OXR1: variants seen among roughly 807,000 people sequenced by gnomAD.
The protein encoded by OXR1 is oxidation resistance protein 1.
A neutral mutation model predicts 104.6 loss-of-function variants in OXR1; 41 were observed. The ratio of observed to expected loss-of-function variants is 0.39; its 90% confidence interval spans 0.31 to 0.51. OXR1 has a LOEUF of 0.51. Ranked by LOEUF, OXR1 falls within the 20% of genes least tolerant of loss-of-function variation. The pLI is 0.77. For synonymous variants in OXR1, 348 were observed against 348.4 expected (o/e 1.00, Z 0.01); for missense variants, 955 against 1,031.9 (o/e 0.93, Z 1.02).
chr8:106,426,321 C>A (rs1243235049), intron 2 of OXR1, among the ~76,000 whole-genome samples: 6 of 151,936 alleles, frequency 3.9e-5, no homozygotes, highest in Admixed American at 3.9e-4. Flanking sequence ...ATCCACTCTA[C>A]TTTGCCTCTT....
chr8:106,631,494 T>C (rs372119175), intron 3 of OXR1, among the ~76,000 whole-genome samples: 145 of 152,334 alleles, frequency 9.5e-4, no homozygotes, highest in African/African-American at 3.3e-3. Context: ...TGCATTTATC[T>C]ATTAGTCTTT....
chr8:106,572,321 G>C (rs1308161224), intron 3 of OXR1, among the ~76,000 whole-genome samples: 1 of 152,102 alleles, frequency 6.6e-6, no homozygotes, highest in Non-Finnish European at 1.5e-5. Flanking sequence ...GCTTCCGCTG[G>C]GATGGCTGAT....
At chr8:106,295,063 T>C (rs1812934706) in intron 1 of OXR1, among the ~76,000 whole-genome samples, 1 of 152,216 alleles carries the variant, frequency 6.6e-6, no homozygotes, top group Non-Finnish European at 1.5e-5. Flanking sequence ...GTATAGAATA[T>C]TGTAGATATT....
At chr8:106,706,295 A>T in intron 8 of OXR1, 87 bp from the exon 9 acceptor site, 1 of 861,058 alleles carries the variant, frequency 1.2e-6, no homozygotes, top group Non-Finnish European at 1.7e-6. Flanking sequence ...AAGTCTTTTT[A>T]GTGATACTAA....
At chr8:106,420,730 T>TTGTGTGTGTGTGTGTGTGTGTG (rs6150748) in intron 2 of OXR1, among the ~76,000 whole-genome samples, 5 of 147,174 alleles carry the variant, frequency 3.4e-5, no homozygotes, top group African/African-American at 1.3e-4. Context: ...CATTAAAATA[T>TTGTGTGTGTGTGTGTGTGTGTG]TGTGTGTGTG....
intron 3 of OXR1, among the ~76,000 whole-genome samples, chr8:106,565,749 C>A (rs968496341): frequency 6.6e-6 from 1 of 152,098 alleles, no homozygotes; most frequent in Non-Finnish European, 1.5e-5. Context: ...TTACAGTAAC[C>A]AAAACAGCAT....
intron 2 of OXR1, among the ~76,000 whole-genome samples, chr8:106,480,778 A>G (rs1822067051): frequency 1.3e-5 from 2 of 152,000 alleles, no homozygotes; most frequent in African/African-American, 4.8e-5. Context: ...CCTCATAGAA[A>G]TAAAAAATAC....
intron 2 of OXR1, among the ~76,000 whole-genome samples, chr8:106,501,026 A>T (rs16874781): frequency 0.048 from 7,339 of 152,280 alleles, 233 homozygotes; most frequent in African/African-American, 0.073. Flanking sequence ...TCTTTCTGAA[A>T]GGGAATTGTG....
At chr8:106,672,560 G>A (rs943986968) in intron 3 of OXR1, among the ~76,000 whole-genome samples, 2 of 151,654 alleles carry the variant, frequency 1.3e-5, no homozygotes, top group Non-Finnish European at 2.9e-5. Context: ...AAGAGAGAAA[G>A]GAAGGAAGGG....
chr8:106,526,735 G>A lies in OXR1; in HGVS notation c.220+7596G>A, dbSNP rs943519905. Among the ~76,000 whole-genome samples the A allele has an allele frequency of 2.0e-5, 3 of 152,276 alleles. No individual in the cohort carries two copies. The East Asian group carries it at 5.8e-4, about 29-fold the overall frequency. On this transcript the variant is annotated intron_variant, in intron 3 of 16. Transcript: ENST00000517566. Reference sequence around the variant, plus strand: ...TTTTTTTGTATTTTTAGTAGAGACAGGTTTTCACTGTGTTAGCCAGGATGG... The same window carrying A: ...TTTTTTTGTATTTTTAGTAGAGACAAGTTTTCACTGTGTTAGCCAGGATGG...
Position 106,645,360 on chromosome 8 carries a change from T to G in OXR1, c.221-33850T>G, listed in dbSNP as rs1035024256. ...GGCTGTATAGCCAGCTTGGCACCCA[T>G]ATGAGTCTGTGGATAGTAGGTGGGG... On this transcript the variant is annotated intron_variant, in intron 3 of 16. Transcript: ENST00000517566. Among the ~76,000 whole-genome samples the G allele has an allele frequency of 3.9e-5, 6 of 152,246 alleles. No homozygotes were observed. In the South Asian group the frequency reaches 6.2e-4, roughly 16 times the overall value.
intron 2 of OXR1, among the ~76,000 whole-genome samples, chr8:106,485,023 A>G (rs1296214002): frequency 6.8e-6 from 1 of 147,380 alleles, no homozygotes; most frequent in African/African-American, 2.5e-5. Context: ...GAGCCATGAA[A>G]AGATAGGGAG....
chr8:106,507,043 C>T (rs1029515562), intron 2 of OXR1, among the ~76,000 whole-genome samples: 5 of 151,920 alleles, frequency 3.3e-5, no homozygotes, highest in African/African-American at 1.2e-4. Context: ...TGAGCTATAA[C>T]AGCTGCCCTC....
intron 1 of OXR1, among the ~76,000 whole-genome samples, chr8:106,338,875 A>ACT (rs1563725493): frequency 2.0e-5 from 3 of 150,996 alleles, no homozygotes; most frequent in South Asian, 2.1e-4. Context: ...TCACTCACCC[A>ACT]CTCTCTCTCT....
chr8:106,410,260 G>A (rs1287673965), intron 2 of OXR1, among the ~76,000 whole-genome samples: 1 of 152,038 alleles, frequency 6.6e-6, no homozygotes, highest in African/African-American at 2.4e-5. Flanking sequence ...TATTTCATTT[G>A]CCAGTAAAGA....
intron 3 of OXR1, among the ~76,000 whole-genome samples, chr8:106,533,930 C>A (rs1563586772): frequency 6.6e-6 from 1 of 152,010 alleles, no homozygotes; most frequent in Non-Finnish European, 1.5e-5. Flanking sequence ...TCAGTCTGGT[C>A]TTGAACTCCC....
chr8:106,458,987 G>C (rs777209321), intron 2 of OXR1, among the ~76,000 whole-genome samples: 2 of 152,126 alleles, frequency 1.3e-5, no homozygotes, highest in Non-Finnish European at 2.9e-5. Context: ...ATCTGATTTA[G>C]ATGAGACTCT....
intron 2 of OXR1, among the ~76,000 whole-genome samples, chr8:106,422,538 A>T (rs535662086): frequency 1.6e-4 from 25 of 151,948 alleles, no homozygotes; most frequent in Middle Eastern, 3.4e-3. Context: ...TAGTAAAAAA[A>T]GACTAATAGT....
At chr8:106,339,480 C>T (rs574023231) in intron 1 of OXR1, among the ~76,000 whole-genome samples, 9 of 96,836 alleles carry the variant, frequency 9.3e-5, no homozygotes, top group African/African-American at 3.1e-4. Context: ...GGGAACAGAG[C>T]GAGACTCCAT....
Sources: allele counts gnomAD v4.1 joint callset (sites outside exome capture counted in the v4.1 genomes callset), GRCh38; gene constraint gnomAD v4.1.1; transcripts MANE v1.5; gene names NCBI Gene and HGNC (gene_info 2026-07-23, HGNC 2026-07-21).